The following RGS9 variants were observed in gnomAD, a reference collection of about 807,000 sequenced individuals.
The protein encoded by RGS9 is regulator of G-protein signalling 9.
Under a neutral mutation model 102.0 loss-of-function variants are expected in RGS9, and 78 were observed. The ratio of observed to expected loss-of-function variants is 0.76; its 90% CI spans 0.64 to 0.92. The LOEUF is 0.92. Among genes scored for constraint, RGS9 ranks in the 40% least tolerant of loss-of-function variants. The probability of loss-of-function intolerance (pLI) is 0.00; values close to 1 mark genes in which losing one functional copy is unlikely to be tolerated. For missense variants in RGS9, 833 were observed against 866.1 expected, an observed-to-expected ratio of 0.96 and a Z score of 0.48; for synonymous variants, 353 against 318.6, an observed-to-expected ratio of 1.11 and a Z score of -1.15.
intron 1 of RGS9, among the ~76,000 whole-genome samples, chr17:65,142,190 G>C (rs1398786384): frequency 6.6e-6 from 1 of 152,160 alleles, no homozygotes; most frequent in Non-Finnish European, 1.5e-5. Context: ...GCTGCAGTGA[G>C]CTGAGATCAT....
rs1047011512 is a variant in RGS9 at position 65,137,479 on chromosome 17, T to TG, written c.-56dup. 7 of 1,555,438 alleles carry TG rather than the reference T, an allele frequency of 4.5e-6. No homozygotes were observed. The highest frequency in any genetic ancestry group is 4.4e-6 in the Non-Finnish European group (5 of 1,134,208). ...GGCGAGCCAGGCTGCCTTTCGAACT[T>TG]GGGGGGCTTCTCCTCTTGTCTCCCA... On this transcript the variant is annotated 5_prime_UTR_variant, in exon 1 of 19. Transcript: ENST00000262406.
intron 14 of RGS9, among the ~76,000 whole-genome samples, chr17:65,202,456 A>T (rs1440596470): frequency 2.4e-4 from 34 of 140,518 alleles, no homozygotes; most frequent in Admixed American, 6.9e-4. Context: ...AGAGAGAGAG[A>T]GAGAGAGAGA....
At chr17:65,202,278 C>G (rs973568361) in intron 14 of RGS9, among the ~76,000 whole-genome samples, 198 bp downstream of exon 14, 13 of 152,070 alleles carry the variant, frequency 8.5e-5, no homozygotes, top group African/African-American at 2.9e-4. Flanking sequence ...CTGAAGAAAG[C>G]CTGGTGAGAC....
intron 17 of RGS9, among the ~76,000 whole-genome samples, chr17:65,223,143 G>A (rs1036293315): frequency 2.0e-5 from 3 of 152,196 alleles, no homozygotes; most frequent in Non-Finnish European, 4.4e-5. Context: ...AGTAATAATT[G>A]CAATTATAAT....
chr17:65,215,847 C>T (rs1913507917), intron 17 of RGS9, among the ~76,000 whole-genome samples: 1 of 152,170 alleles, frequency 6.6e-6, no homozygotes, highest in Non-Finnish European at 1.5e-5. Context: ...AGGTGTGAGC[C>T]ACTGCGCCTG....
At chr17:65,147,587 CTT>C (rs36062784) in intron 1 of RGS9, among the ~76,000 whole-genome samples, 17 of 103,658 alleles carry the variant, frequency 1.6e-4, no homozygotes, top group Admixed American at 2.2e-4. Context: ...CTTTTAAAAA[CTT>C]TTTTTTTTTT....
chr17:65,209,070 G>T (rs933941308), intron 16 of RGS9, among the ~76,000 whole-genome samples: 1 of 152,154 alleles, frequency 6.6e-6, no homozygotes, highest in African/African-American at 2.4e-5. Flanking sequence ...GGGGACAAAA[G>T]AGGAGTCTCA....
In RGS9 at chr17:65,147,887, G is replaced by A. The variant is rs569902679; in HGVS notation, c.58-5535G>A. Among the ~76,000 whole-genome samples the A allele has an allele frequency of 3.9e-5, 6 of 151,944 alleles. No homozygotes were observed. The South Asian group carries it at 6.2e-4, about 16-fold the overall frequency. ...ATTACAGGCATGAGCCACTGTGCCC[G>A]GCCTCTCTTTAAAAAATTTTTATTT... On this transcript the variant is annotated intron_variant, in intron 1 of 18. Transcript: ENST00000262406.
At chr17:65,144,164 A>G (rs1314168910) in intron 1 of RGS9, among the ~76,000 whole-genome samples, 2 of 152,162 alleles carry the variant, frequency 1.3e-5, no homozygotes, top group African/African-American at 4.8e-5. Flanking sequence ...CAGGCTTATT[A>G]GCAGGAGTAC....
chr17:65,142,587 T>G (rs1365065509), intron 1 of RGS9, among the ~76,000 whole-genome samples: 3 of 150,722 alleles, frequency 2.0e-5, no homozygotes, highest in African/African-American at 2.4e-5. Context: ...TTTTTTTTTT[T>G]TTTGTTTGTT....
At position 65,207,954 on chromosome 17, in the gene RGS9, C is replaced by T. The variant is rs769474845; in HGVS notation, c.1236C>T (p.Ile412=). 2 of 1,613,166 alleles carry T rather than the reference C, an allele frequency of 1.2e-6. No homozygotes were observed. The highest frequency in any genetic ancestry group is 8.5e-7 in the Non-Finnish European group (1 of 1,179,270). ...ATGCTCGCTATTTAAAATCTCCGAT[C>T]TATAAGGACATGCTGGCCAAAGCTA... ...DSYARYLKSP[I]YKDMLAKAIE... The change falls in exon 16 of 19, where the codon ATC becomes ATT. Residue 412 remains isoleucine (I), a synonymous_variant. Coordinates refer to ENST00000262406, the MANE Select transcript of RGS9 (RefSeq NM_003835.4).
At chr17:65,203,069 C>T (rs1007818946) in intron 14 of RGS9, among the ~76,000 whole-genome samples, 3 of 152,346 alleles carry the variant, frequency 2.0e-5, no homozygotes, top group Non-Finnish European at 4.4e-5. Flanking sequence ...AGCCCCTTCC[C>T]TCTGAGGACT....
At chr17:65,192,784 T>G (rs539299849) in intron 11 of RGS9, among the ~76,000 whole-genome samples, 3 of 152,240 alleles carry the variant, frequency 2.0e-5, no homozygotes, top group African/African-American at 7.2e-5. Flanking sequence ...GTTTAAATAA[T>G]GGGCCTAAGT....
chr17:65,143,349 G>A (rs2143951094), intron 1 of RGS9, among the ~76,000 whole-genome samples: 1 of 152,318 alleles, frequency 6.6e-6, no homozygotes, highest in Middle Eastern at 3.4e-3. Context: ...CCAGCTCAAA[G>A]GCAGAACCTG....
chr17:65,167,006 C>T (rs1298398885), intron 7 of RGS9, among the ~76,000 whole-genome samples: 1 of 152,106 alleles, frequency 6.6e-6, no homozygotes, highest in African/African-American at 2.4e-5. Context: ...TGTGCGTCAT[C>T]CCACGTTGCC....
At chr17:65,172,628 A>G (rs1911463382) in intron 8 of RGS9, among the ~76,000 whole-genome samples, 1 of 152,174 alleles carries the variant, frequency 6.6e-6, no homozygotes, top group Non-Finnish European at 1.5e-5. Flanking sequence ...GGCATTGGGG[A>G]TATTTGGATT....
intron 14 of RGS9, among the ~76,000 whole-genome samples, chr17:65,202,410 T>TGG (rs754299736): frequency 7.1e-5 from 8 of 112,228 alleles, no homozygotes; most frequent in Admixed American, 6.6e-4. Flanking sequence ...TCCTGAGGGG[T>TGG]GTGTGTGTGT....
chr17:65,225,924 C>G (rs534145641), intron 18 of RGS9, among the ~76,000 whole-genome samples: 26 of 152,322 alleles, frequency 1.7e-4, no homozygotes, highest in Admixed American at 5.2e-4. Context: ...CCCTTGCCTC[C>G]CTTCCCCCAC....
Position 65,155,050 on chromosome 17 carries a change from T to C in RGS9, c.154+1532T>C, listed in dbSNP as rs1158198266. On this transcript the variant is annotated intron_variant, in intron 2 of 18. Transcript: ENST00000262406. ...AAGCAACAGAAGACCCACTCTTTTG[T>C]TGGAGCAAAAGGGGAAGTAATTGAA... Among the ~76,000 whole-genome samples, 7 of 152,298 alleles carry C rather than the reference T, an allele frequency of 4.6e-5. No homozygotes were observed. The South Asian group carries it at 1.0e-3, about 23-fold the overall frequency.
Sources: allele counts gnomAD v4.1 joint callset (sites outside exome capture counted in the v4.1 genomes callset), GRCh38; gene constraint gnomAD v4.1.1; transcripts MANE v1.5; gene names NCBI Gene and HGNC (gene_info 2026-07-23, HGNC 2026-07-21).